Variants in PCSK5 observed in about 807,000 individuals in gnomAD.
PCSK5 encodes proprotein convertase subtilisin/kexin type 5, also known as prohormone convertase 5.
In PCSK5, 129 loss-of-function variants were observed where a neutral mutation model predicts 233.2. The observed-to-expected ratio is 0.55, with a 90% confidence interval of 0.48 to 0.64. The LOEUF (loss-of-function observed/expected upper bound fraction) is 0.64. PCSK5 is among the 30% of genes least tolerant of loss of function. PCSK5 has a pLI of 0.00. For synonymous variants in PCSK5, 825 were observed against 879.2 expected (o/e 0.94, Z 1.09); for missense variants, 2,076 against 2,430.1 (o/e 0.85, Z 3.06).
In PCSK5 at chr9:76,023,779, T is replaced by C. The variant is rs745563992; in HGVS notation, c.453T>C (p.Asn151=). The C allele has an allele frequency of 1.9e-6, 3 of 1,613,256 alleles. No homozygotes were observed. Among genetic ancestry groups the C allele is most frequent in the East Asian group, 4.5e-5 (2 of 44,864 alleles). The change falls in exon 4 of 38, where the codon AAT becomes AAC. Residue 151 remains asparagine (N), a synonymous_variant. Coordinates refer to ENST00000674117, the MANE Select transcript of PCSK5 (RefSeq NM_001372043.1). The part of the protein sequence containing the change: ...DNTHPCQSDM[N]IEGAWKRGYT... ...CACATCCCTGCCAGTCTGACATGAATATCGAAGGAGCCTGGAAGAGAGGCT... is the reference window on the plus strand; with the variant it reads ...CACATCCCTGCCAGTCTGACATGAACATCGAAGGAGCCTGGAAGAGAGGCT...
At chr9:76,109,720 G>T (rs952642282) in intron 9 of PCSK5, among the ~76,000 whole-genome samples, 1 of 152,090 alleles carries the variant, frequency 6.6e-6, no homozygotes, top group African/African-American at 2.4e-5. Flanking sequence ...GGGCCAAAAT[G>T]GATGATGAAC....
chr9:76,109,817 T>A (rs902702127), intron 9 of PCSK5, among the ~76,000 whole-genome samples: 1 of 152,212 alleles, frequency 6.6e-6, no homozygotes, highest in African/African-American at 2.4e-5. Context: ...AAAGTGAAGC[T>A]GAAAATCACG....
Position 76,111,144 on chromosome 9 carries a change from A to C in PCSK5, c.1208+3793A>C, listed in dbSNP as rs182077028. Among the ~76,000 whole-genome samples, 510 of 152,286 alleles carry C rather than the reference A, an allele frequency of 3.3e-3. 1 individual carries two copies. The highest frequency in any genetic ancestry group is 5.7e-3 in the Non-Finnish European group (388 of 68,016). On this transcript the variant is annotated intron_variant, in intron 9 of 37. Transcript: ENST00000674117. ...AAAGTAAAGAAAAGAAAAAAGAGAA[A>C]TAACTTTGCTGTAACAGCTAGTACG...
intron 9 of PCSK5, among the ~76,000 whole-genome samples, chr9:76,111,196 A>G (rs10869698): frequency 0.54 from 82,179 of 152,108 alleles, 22,319 homozygotes; most frequent in East Asian, 0.74. Context: ...TTTTCTACAG[A>G]ATGTATAAGA....
intron 5 of PCSK5, among the ~76,000 whole-genome samples, chr9:76,065,283 A>G (rs1189164148): frequency 1.3e-5 from 2 of 152,002 alleles, no homozygotes; most frequent in African/African-American, 2.4e-5. Flanking sequence ...TTTTCACTGC[A>G]CTCTCTGATC....
chr9:75,968,038 A>C (rs1825667810), intron 2 of PCSK5, among the ~76,000 whole-genome samples: 1 of 152,170 alleles, frequency 6.6e-6, no homozygotes, highest in Admixed American at 6.5e-5. Context: ...CTGGGATTAC[A>C]GACGTGAGCC....
intron 2 of PCSK5, among the ~76,000 whole-genome samples, chr9:75,984,111 T>C (rs1826397168): frequency 6.6e-6 from 1 of 152,228 alleles, no homozygotes; most frequent in South Asian, 2.1e-4. Flanking sequence ...TAAGCATTTT[T>C]GTTTGGTAAA....
intron 35 of PCSK5, among the ~76,000 whole-genome samples, chr9:76,343,626 A>G (rs1192242750): frequency 6.6e-6 from 1 of 152,096 alleles, no homozygotes; most frequent in Non-Finnish European, 1.5e-5. Flanking sequence ...ATTAGTAACT[A>G]TAAACCTGAA....
chr9:75,945,856 C>A (rs1216986029), intron 2 of PCSK5, among the ~76,000 whole-genome samples: 1 of 152,170 alleles, frequency 6.6e-6, no homozygotes, highest in African/African-American at 2.4e-5. Context: ...CATATCACTT[C>A]CTTTGAAAGA....
intron 5 of PCSK5, among the ~76,000 whole-genome samples, chr9:76,065,429 T>A (rs1830251231): frequency 6.6e-6 from 1 of 152,264 alleles, no homozygotes; most frequent in Non-Finnish European, 1.5e-5. Context: ...TGAGCATTTT[T>A]TTCACATACC....
In PCSK5 at chr9:76,168,554, G is replaced by T. The variant is rs72618111; in HGVS notation, c.1620-1150G>T. On this transcript the variant is annotated intron_variant, in intron 12 of 37. Coordinates refer to ENST00000674117, the MANE Select transcript of PCSK5 (RefSeq NM_001372043.1). ...ACTTCATATCTTTCAGGATTCCATT[G>T]CAGGAAACAGAATAATTCTAGCTAT... Among the ~76,000 whole-genome samples the T allele has an allele frequency of 0.026, 3,925 of 152,144 alleles. 407 individuals are homozygous for T. In the East Asian group the frequency reaches 0.33, roughly 13 times the overall value.
rs60451634 is a variant in PCSK5 at position 76,323,932 on chromosome 9, A to ATTTTTTTTTTTTTTTTTTTT, written c.4339+660_4339+661insTTTTTTTTTTTTTTTTTTTT. ...TGCCTCTTGTCTCCCTTCCTGGGTGATTTTTTTTTTTTTTTTGAGACAGAG... is the reference window on the plus strand; with the variant it reads ...TGCCTCTTGTCTCCCTTCCTGGGTGATTTTTTTTTTTTTTTTTTTTTTTTTTTTTTTTTTTTGAGACAGAG... On this transcript the variant is annotated intron_variant, in intron 32 of 37. Transcript: ENST00000674117. Among the ~76,000 whole-genome samples, 3 of 139,406 alleles carry ATTTTTTTTTTTTTTTTTTTT rather than the reference A, an allele frequency of 2.2e-5. 1 individual carries two copies. The highest frequency in any genetic ancestry group is 1.5e-5 in the Non-Finnish European group (1 of 65,110). 91.5% of individuals were successfully genotyped at this position (139,406 alleles called of 152,430 possible). A position where few individuals can be genotyped will look rare whatever the true frequency, so the allele number is the denominator to read the frequency against.
chr9:76,086,373 G>T (rs970718049), intron 7 of PCSK5, among the ~76,000 whole-genome samples: 4 of 152,180 alleles, frequency 2.6e-5, no homozygotes, highest in African/African-American at 9.7e-5. Context: ...TCCAGCCAGT[G>T]TGAGATGCCC....
intron 2 of PCSK5, among the ~76,000 whole-genome samples, chr9:75,973,376 T>C (rs1225860057): frequency 1.3e-5 from 2 of 152,196 alleles, no homozygotes; most frequent in Non-Finnish European, 2.9e-5. Context: ...CTTTCCAGAC[T>C]GAGAACTCTT....
intron 17 of PCSK5, among the ~76,000 whole-genome samples, chr9:76,188,249 T>C (rs991874129): frequency 6.6e-6 from 1 of 152,234 alleles, no homozygotes; most frequent in Non-Finnish European, 1.5e-5. Context: ...GTGATTGTTT[T>C]GTCAATCAAA....
At chr9:76,354,453 C>T (rs1476972058) in intron 37 of PCSK5, among the ~76,000 whole-genome samples, 1 of 152,144 alleles carries the variant, frequency 6.6e-6, no homozygotes, top group Non-Finnish European at 1.5e-5. Flanking sequence ...GAGTTGGATT[C>T]GCATGCCAAG....
At chr9:76,320,428 CA>C (rs1220276098) in intron 30 of PCSK5, among the ~76,000 whole-genome samples, 59 of 57,306 alleles carry the variant, frequency 1.0e-3, no homozygotes, top group Non-Finnish European at 1.2e-3. Flanking sequence ...GACTCTGTCT[CA>C]AAAAAAAAAA....
At chr9:75,970,433 C>T (rs1189155397) in intron 2 of PCSK5, among the ~76,000 whole-genome samples, 3 of 152,120 alleles carry the variant, frequency 2.0e-5, no homozygotes, top group Admixed American at 6.5e-5. Context: ...AGAATTCTTT[C>T]GCCTGTTTAG....
At chr9:75,971,304 G>A (rs1472892049) in intron 2 of PCSK5, among the ~76,000 whole-genome samples, 1 of 152,136 alleles carries the variant, frequency 6.6e-6, no homozygotes, top group African/African-American at 2.4e-5. Flanking sequence ...TGGTGTATAT[G>A]TACCATGTTT....
Sources: gnomAD v4.1 joint callset for allele counts (sites outside exome capture counted in the v4.1 genomes callset) on GRCh38, gnomAD v4.1.1 for gene constraint, MANE v1.5 for transcripts, NCBI Gene and HGNC (gene_info 2026-07-23, HGNC 2026-07-21) for gene names.